The following OTULIN variants were observed in gnomAD, a reference collection of about 807,000 sequenced individuals.
OTULIN encodes ubiquitin thioesterase otulin.
In OTULIN, 15 loss-of-function variants were observed where a neutral mutation model predicts 39.6. The observed-to-expected ratio is 0.38, with a 90% CI of 0.25 to 0.58. The LOEUF is 0.58. Among genes scored for constraint, OTULIN ranks in the 20% least tolerant of loss-of-function variants. The pLI is 0.66. For missense variants in OTULIN, 319 were observed against 445.9 expected (o/e 0.72, Z 2.56); for synonymous variants, 156 against 170.3 (o/e 0.92, Z 0.65).
chr5:14,675,896 A>G (rs912575554), intron 2 of OTULIN, among the ~76,000 whole-genome samples: 4 of 152,238 alleles, frequency 2.6e-5, no homozygotes, highest in Admixed American at 6.5e-5. Context: ...TTCCAGGCCA[A>G]ATCTGACTTG....
chr5:14,699,114 A>G lies in OTULIN; in HGVS notation c.*6066A>G, dbSNP rs905705203. Reference sequence around the variant, plus strand: ...CCAGCCCTGCTGTGTGTTTGCCGCAAAGAGGTTTGGTGTGTGCGAGACATT... The same window carrying G: ...CCAGCCCTGCTGTGTGTTTGCCGCAGAGAGGTTTGGTGTGTGCGAGACATT... On this transcript the variant is annotated 3_prime_UTR_variant, in exon 7 of 7. Coordinates refer to ENST00000284274, the MANE Select transcript of OTULIN (RefSeq NM_138348.6). 2 of 152,234 alleles carry G rather than the reference A, an allele frequency of 1.3e-5. No individual in the cohort carries two copies. Among genetic ancestry groups the G allele is most frequent in the African/African-American group, 4.8e-5 (2 of 41,434 alleles). 9.4% of individuals were successfully genotyped at this position (152,234 alleles called of 1,614,324 possible).
intron 6 of OTULIN, among the ~76,000 whole-genome samples, chr5:14,692,113 G>T (rs982102688): frequency 2.0e-5 from 3 of 152,152 alleles, no homozygotes; most frequent in Admixed American, 1.3e-4. Context: ...TATACACCGA[G>T]GAGTGGAATT....
chr5:14,686,634 A>C (rs1579973743), intron 4 of OTULIN, among the ~76,000 whole-genome samples: 1 of 152,082 alleles, frequency 6.6e-6, no homozygotes, highest in South Asian at 2.1e-4. Context: ...TTTCCTTTCT[A>C]AATTTTATAG....
chr5:14,665,628 T>C (rs1735818846), intron 1 of OTULIN, among the ~76,000 whole-genome samples: 1 of 152,202 alleles, frequency 6.6e-6, no homozygotes, highest in Admixed American at 6.5e-5. Context: ...AGTGAAACTT[T>C]TCTACACTTT....
chr5:14,681,312 T>C, intron 3 of OTULIN, 152 bp from the exon 4 acceptor site: 1 of 754,000 alleles, frequency 1.3e-6, no homozygotes, highest in Non-Finnish European at 2.2e-6. Context: ...AGTGAGTAAG[T>C]GTTAAAACAA....
the OTULIN span, among the ~76,000 whole-genome samples, chr5:14,715,727 CATATTTGCTATGGAA>C: frequency 9.8e-3 from 1,493 of 152,330 alleles, 27 homozygotes; most frequent in African/African-American, 0.034. Context: ...ACACGTGCTA[CATATTTGCTATGGAA>C]ATGGTTGTAT....
At chr5:14,666,305 A>G (rs571508519) in intron 1 of OTULIN, among the ~76,000 whole-genome samples, 5 of 152,382 alleles carry the variant, frequency 3.3e-5, no homozygotes, top group South Asian at 2.1e-4. Flanking sequence ...GTGAAAACAG[A>G]CAATGATAGG....
chr5:14,679,727 G>A (rs142686434), intron 3 of OTULIN, among the ~76,000 whole-genome samples: 1 of 152,272 alleles, frequency 6.6e-6, no homozygotes, highest in African/African-American at 2.4e-5. Flanking sequence ...AGCTGCCCAT[G>A]GGCTGACCTT....
intron 1 of OTULIN, among the ~76,000 whole-genome samples, chr5:14,668,579 C>G (rs1391274673): frequency 6.6e-6 from 1 of 152,064 alleles, no homozygotes; most frequent in East Asian, 1.9e-4. Flanking sequence ...CCAACATTGC[C>G]TTAGTGTTGA....
the OTULIN span, chr5:14,713,450 T>G: frequency 6.5e-7 from 1 of 1,533,898 alleles, no homozygotes; most frequent in African/African-American, 1.4e-5. The surrounding 1 kb of genome is among the most constrained non-coding windows in gnomAD (Gnocchi z 4.4). Context: ...TAGACGTGCC[T>G]GGGGATTTCC....
chr5:14,679,596 A>C (rs1473116997), intron 3 of OTULIN, among the ~76,000 whole-genome samples: 1 of 152,236 alleles, frequency 6.6e-6, no homozygotes, highest in African/African-American at 2.4e-5. Context: ...GTCATATTTA[A>C]TAGAAATATC....
the OTULIN span, chr5:14,705,045 A>C: frequency 6.6e-5 from 10 of 152,204 alleles, no homozygotes; most frequent in African/African-American, 2.4e-4. Context: ...TGTATTTTAG[A>C]GACGGGGTTT....
chr5:14,690,316 G>A lies in OTULIN; in HGVS notation c.864+8G>A. ...ACTGGTGGTCTTGAACAGGTAAGTTGTGCTTTTGAGCATGTATTACCCCAA... is the reference window on the plus strand; with the variant it reads ...ACTGGTGGTCTTGAACAGGTAAGTTATGCTTTTGAGCATGTATTACCCCAA... On this transcript the variant is annotated splice_region_variant and intron_variant, in intron 6 of 6. Coordinates refer to ENST00000284274, the MANE Select transcript of OTULIN (RefSeq NM_138348.6). The surrounding 1 kb of genome is among the most constrained non-coding windows in gnomAD (Gnocchi z 4.5). 1.9e-6 allele frequency: 3 copies of A among 1,611,348 alleles called. No individual in the cohort carries two copies. Among genetic ancestry groups the A allele is most frequent in the Non-Finnish European group, 2.5e-6 (3 of 1,178,528 alleles).
At chr5:14,685,966 A>C (rs1736377964) in intron 4 of OTULIN, among the ~76,000 whole-genome samples, 1 of 152,228 alleles carries the variant, frequency 6.6e-6, no homozygotes, top group African/African-American at 2.4e-5. Flanking sequence ...CAGTGTGGGC[A>C]CGGAGTGGGC....
chr5:14,687,446 C>T, intron 4 of OTULIN, 75 bp from the exon 5 acceptor site: 1 of 1,523,442 alleles, frequency 6.6e-7, no homozygotes, highest in Non-Finnish European at 8.8e-7. Flanking sequence ...TTTGTGGTTT[C>T]TTACAGCTTG....
At chr5:14,688,492 C>T (rs1452540265) in intron 5 of OTULIN, among the ~76,000 whole-genome samples, 3 of 152,156 alleles carry the variant, frequency 2.0e-5, no homozygotes, top group Admixed American at 1.3e-4. Context: ...TCCTTGACAC[C>T]CTGTGTCCAG....
chr5:14,677,954 CT>C (rs1736147989), intron 2 of OTULIN, among the ~76,000 whole-genome samples: 1 of 152,194 alleles, frequency 6.6e-6, no homozygotes, highest in Non-Finnish European at 1.5e-5. Context: ...GTCAGTGCAG[CT>C]CCAGATGCTG....
chr5:14,702,440 G>T (rs557323225), downstream of OTULIN, among the ~76,000 whole-genome samples: 1 of 152,156 alleles, frequency 6.6e-6, no homozygotes, highest in South Asian at 2.1e-4. Flanking sequence ...TAGGAACCTG[G>T]GCTTGTGAGG....
At chr5:14,687,192 G>C (rs1736407418) in intron 4 of OTULIN, among the ~76,000 whole-genome samples, 2 of 152,174 alleles carry the variant, frequency 1.3e-5, no homozygotes, top group Admixed American at 6.5e-5. Flanking sequence ...GAGTCCCATA[G>C]CCTGAAGGTG....
Sources: allele counts gnomAD v4.1 joint callset (sites outside exome capture counted in the v4.1 genomes callset), GRCh38; gene constraint gnomAD v4.1.1; non-coding constraint Gnocchi (gnomAD v3.1); transcripts MANE v1.5; gene names NCBI Gene and HGNC (gene_info 2026-07-23, HGNC 2026-07-21).